Variants in APBB1IP observed in about 807,000 individuals in gnomAD.
APBB1IP encodes the protein amyloid beta precursor protein binding family B member 1 interacting protein, also known as amyloid beta A4 precursor protein-binding family B member 1-interacting protein.
In APBB1IP, 27 loss-of-function variants were observed where a neutral mutation model predicts 64.9. That is an observed-to-expected ratio of 0.42 (90% CI 0.31 to 0.57). The LOEUF is 0.57. APBB1IP is among the 20% of genes least tolerant of loss of function. APBB1IP has a pLI of 0.20. For synonymous variants in APBB1IP, 392 were observed against 331.0 expected, an observed-to-expected ratio of 1.18 and a Z score of -2.00; for missense variants, 812 against 845.5, an observed-to-expected ratio of 0.96 and a Z score of 0.49.
At chr10:26,560,021 A>AT (rs897183379) in intron 11 of APBB1IP, 84 bp from the exon 12 acceptor site, 49 of 1,139,214 alleles carry the variant, frequency 4.3e-5, no homozygotes, top group African/African-American at 1.2e-4. Flanking sequence ...ATTGTTAGAG[A>AT]TTTTTTTTAA....
chr10:26,557,564 T>C (rs910320394), intron 11 of APBB1IP, among the ~76,000 whole-genome samples: 1 of 152,220 alleles, frequency 6.6e-6, no homozygotes, highest in Non-Finnish European at 1.5e-5. Context: ...TTGGGTTTAA[T>C]AGCTTAATAC....
rs1835352843 is a variant in APBB1IP at position 26,442,996 on chromosome 10, C to A, written c.-1+4143C>A. Among the ~76,000 whole-genome samples, 3 of 152,102 alleles carry A rather than the reference C, an allele frequency of 2.0e-5. No homozygotes were observed. In the South Asian group the frequency reaches 6.2e-4, roughly 32 times the overall value. On this transcript the variant is annotated intron_variant, in intron 2 of 14. Transcript: ENST00000376236. Reference sequence around the variant, plus strand: ...TGTGCTGTTCAGTAAAGACAGCTTACTTTAATTGAATAGCATAAAAACAAC... The same window carrying A: ...TGTGCTGTTCAGTAAAGACAGCTTAATTTAATTGAATAGCATAAAAACAAC...
chr10:26,534,441 G>T (rs893428079), intron 9 of APBB1IP, among the ~76,000 whole-genome samples: 3 of 152,052 alleles, frequency 2.0e-5, no homozygotes, highest in Non-Finnish European at 4.4e-5. Flanking sequence ...CTTTTCCTGA[G>T]TTAGTAAATT....
chr10:26,504,996 G>A (rs1014046418), intron 6 of APBB1IP, among the ~76,000 whole-genome samples: 8 of 151,976 alleles, frequency 5.3e-5, no homozygotes, highest in African/African-American at 9.7e-5. Context: ...GCTCAAGCGC[G>A]CCACCCATCT....
intron 3 of APBB1IP, among the ~76,000 whole-genome samples, chr10:26,493,168 G>T (rs1835978771): frequency 6.6e-6 from 1 of 152,170 alleles, no homozygotes; most frequent in South Asian, 2.1e-4. Context: ...CAGGCAGTCA[G>T]ACCTAATGGT....
intron 2 of APBB1IP, among the ~76,000 whole-genome samples, chr10:26,475,428 GC>G (rs1835764314): frequency 6.6e-6 from 1 of 151,922 alleles, no homozygotes; most frequent in Non-Finnish European, 1.5e-5. Context: ...GCCTTCCCTT[GC>G]TTTTTCTTTG....
intron 2 of APBB1IP, among the ~76,000 whole-genome samples, chr10:26,459,030 C>T (rs1200837842): frequency 6.6e-6 from 1 of 151,298 alleles, no homozygotes; most frequent in East Asian, 2.0e-4. Context: ...TGCTGGTGTG[C>T]TGCACCCATT....
At chr10:26,451,611 G>A (rs936062937) in intron 2 of APBB1IP, among the ~76,000 whole-genome samples, 3 of 152,074 alleles carry the variant, frequency 2.0e-5, no homozygotes, top group African/African-American at 7.2e-5. Context: ...CTCTTATCTT[G>A]TATCTGTAAA....
intron 2 of APBB1IP, among the ~76,000 whole-genome samples, chr10:26,482,229 G>A (rs1404284892): frequency 6.6e-5 from 10 of 152,074 alleles, no homozygotes; most frequent in Admixed American, 3.3e-4. Context: ...GGCCCAAGAG[G>A]TTTCTTCACC....
chr10:26,520,661 A>G (rs1179651416), intron 8 of APBB1IP, among the ~76,000 whole-genome samples: 1 of 152,184 alleles, frequency 6.6e-6, no homozygotes, highest in Non-Finnish European at 1.5e-5. Context: ...CTAGGCATCC[A>G]TTTCCACTGG....
rs558147207 is a variant in APBB1IP at position 26,525,598 on chromosome 10, C to A, written c.814-7841C>A. On this transcript the variant is annotated intron_variant, in intron 8 of 14. Coordinates refer to ENST00000376236, the MANE Select transcript of APBB1IP (RefSeq NM_019043.4). Reference sequence around the variant, plus strand: ...CATAAAGGCAGCTTTAGTTTAGAAGCCTACTGTACAAAAATCAGTGACATT... The same window carrying A: ...CATAAAGGCAGCTTTAGTTTAGAAGACTACTGTACAAAAATCAGTGACATT... 2.6e-5 allele frequency among the ~76,000 whole-genome samples: 4 copies of A among 152,214 alleles called. No homozygotes were observed. In the East Asian group the frequency reaches 7.7e-4, roughly 29 times the overall value.
chr10:26,516,732 T>C (rs1178175056), intron 8 of APBB1IP, among the ~76,000 whole-genome samples: 1 of 151,874 alleles, frequency 6.6e-6, no homozygotes, highest in African/African-American at 2.4e-5. Flanking sequence ...TGTGGAGATA[T>C]TTAACCTTTT....
chr10:26,474,247 C>T (rs993312564), intron 2 of APBB1IP, among the ~76,000 whole-genome samples: 6 of 152,140 alleles, frequency 3.9e-5, no homozygotes, highest in Non-Finnish European at 5.9e-5. Context: ...CTAAGCAAAG[C>T]CTGGAATTTG....
intron 2 of APBB1IP, among the ~76,000 whole-genome samples, chr10:26,454,004 T>G (rs554633394): frequency 2.0e-4 from 30 of 152,276 alleles, no homozygotes; most frequent in African/African-American, 7.2e-4. Flanking sequence ...ATGGTACTTA[T>G]CCACAATGGA....
At chr10:26,529,706 T>C (rs1010068617) in intron 8 of APBB1IP, among the ~76,000 whole-genome samples, 1 of 152,162 alleles carries the variant, frequency 6.6e-6, no homozygotes, top group Admixed American at 6.5e-5. Context: ...GGTGGGATGA[T>C]CTCAGCTCAC....
chr10:26,551,102 A>C (rs967115679), intron 11 of APBB1IP, among the ~76,000 whole-genome samples: 2 of 152,166 alleles, frequency 1.3e-5, no homozygotes, highest in African/African-American at 2.4e-5. Flanking sequence ...CCCACAGCAC[A>C]GCATAAACAG....
chr10:26,534,938 T>A (rs764969580), intron 9 of APBB1IP, among the ~76,000 whole-genome samples: 2 of 152,026 alleles, frequency 1.3e-5, no homozygotes, highest in African/African-American at 2.4e-5. Context: ...TGGGGAGAAA[T>A]TGGGGAGTGT....
rs142230051 is a variant in APBB1IP, at chr10:26,511,946, C to T, written c.691+40C>T. 29 of 1,607,036 alleles carry T rather than the reference C, an allele frequency of 1.8e-5. No homozygotes were observed. In the East Asian group the frequency reaches 6.3e-4, roughly 35 times the overall value. ...CAGCAATGGGCTGTACTCCAAAAACCTTGTGGGTTTGCTGTATAATGGGCT... is the reference window on the plus strand; with the variant it reads ...CAGCAATGGGCTGTACTCCAAAAACTTTGTGGGTTTGCTGTATAATGGGCT... On this transcript the variant is annotated intron_variant, in intron 7 of 14. Coordinates refer to ENST00000376236, the MANE Select transcript of APBB1IP (RefSeq NM_019043.4).
In APBB1IP at chr10:26,510,052, C is replaced by A. The variant is rs191301333; in HGVS notation, c.532-1695C>A. On this transcript the variant is annotated intron_variant, in intron 6 of 14. Transcript: ENST00000376236. ...TGCTGCAATCTCGGCTCACTGCAAC[C>A]TCTGCCTCCCAGTTTCAAGCGATTC... 4.7e-4 allele frequency among the ~76,000 whole-genome samples: 72 copies of A among 152,336 alleles called. 1 individual carries two copies. Among genetic ancestry groups the A allele is most frequent in the East Asian group, 4.6e-3 (24 of 5,184 alleles).
Sources: allele counts gnomAD v4.1 joint callset (sites outside exome capture counted in the v4.1 genomes callset), GRCh38; gene constraint gnomAD v4.1.1; transcripts MANE v1.5; gene names NCBI Gene and HGNC (gene_info 2026-07-23, HGNC 2026-07-21).